The following MSL2 variants were observed in gnomAD, a reference collection of about 807,000 sequenced individuals.
MSL2 encodes MSL complex subunit 2.
A neutral mutation model predicts 35.8 loss-of-function variants in MSL2; 2 were observed. The observed-to-expected ratio is 0.06, with a 90% CI of 0.02 to 0.18. The LOEUF (loss-of-function observed/expected upper bound fraction) is 0.18, where lower values mean the gene tolerates loss of function less well. Among genes scored for constraint, MSL2 ranks in the 10% least tolerant of loss-of-function variants. The pLI is 1.00. For synonymous variants in MSL2, 296 were observed against 255.7 expected, an observed-to-expected ratio of 1.16 and a Z score of -1.50; for missense variants, 523 against 706.7, an observed-to-expected ratio of 0.74 and a Z score of 2.95.
chr3:136,166,608 T>C (rs913286318), intron 1 of MSL2, among the ~76,000 whole-genome samples: 2 of 152,170 alleles, frequency 1.3e-5, no homozygotes, highest in Non-Finnish European at 2.9e-5. Flanking sequence ...TCCTCATGCA[T>C]ATCCCTGACA....
intron 1 of MSL2, among the ~76,000 whole-genome samples, chr3:136,154,823 A>G (rs185181449): frequency 7.0e-4 from 106 of 150,960 alleles, no homozygotes; most frequent in Non-Finnish European, 1.3e-3. Flanking sequence ...TCTGAGAGGC[A>G]GAGGTGGACA....
chr3:136,162,126 C>CG lies in MSL2; in HGVS notation c.143-9389dup, dbSNP rs556655469. Among the ~76,000 whole-genome samples the CG allele has an allele frequency of 1.5e-3, 226 of 151,734 alleles. 3 individuals carry two copies. The highest frequency in any genetic ancestry group is 4.6e-3 in the African/African-American group (190 of 41,408). On this transcript the variant is annotated intron_variant, in intron 1 of 1. Transcript: ENST00000309993. ...GTTAATTTTTTATTTTTAGTAGAGA[C>CG]GGGGTCTCACCATGTTGGTCAGGCT...
chr3:136,186,240 A>G (rs1940519049), intron 1 of MSL2, among the ~76,000 whole-genome samples: 1 of 152,282 alleles, frequency 6.6e-6, no homozygotes, highest in Non-Finnish European at 1.5e-5. Context: ...GTTCTTCAAC[A>G]CCATTGTATA....
chr3:136,193,678 GCTGAAAGGAAA>G (rs1333942912), intron 1 of MSL2, among the ~76,000 whole-genome samples: 1 of 151,772 alleles, frequency 6.6e-6, no homozygotes, highest in Non-Finnish European at 1.5e-5. Context: ...TAAAACTTAA[GCTGAAAGGAAA>G]CTGAATCTAG....
chr3:136,195,851 G>A lies in MSL2; in HGVS notation c.-738C>T, dbSNP rs1225518968. 2.0e-6 allele frequency: 2 copies of A among 982,318 alleles called. No homozygotes were observed. Among genetic ancestry groups the A allele is most frequent in the African/African-American group, 1.8e-5 (1 of 56,952 alleles). 60.9% of individuals were successfully genotyped at this position (982,318 alleles called of 1,614,324 possible). On this transcript the variant is annotated 5_prime_UTR_variant, in exon 1 of 2. Coordinates refer to ENST00000309993, the MANE Select transcript of MSL2 (RefSeq NM_018133.4). ...GGAAGGCCGGGGAGGAAGTGCGCGG[G>A]CCGCCGCCGGCGGGCGGGAGGGGGC... is the stretch of plus-strand genomic sequence containing the variant.
intron 1 of MSL2, among the ~76,000 whole-genome samples, chr3:136,177,021 A>T (rs6787461): frequency 6.6e-6 from 1 of 152,216 alleles, no homozygotes; most frequent in Non-Finnish European, 1.5e-5. Context: ...GAGGCTTCCT[A>T]GCCCAAGTCT....
chr3:136,175,343 C>CAAA (rs34663683), intron 1 of MSL2, among the ~76,000 whole-genome samples: 1 of 120,242 alleles, frequency 8.3e-6, no homozygotes, highest in Non-Finnish European at 1.8e-5. Flanking sequence ...GACTCCGTCT[C>CAAA]AAAAAAAAAA....
chr3:136,193,785 T>C (rs534042759), intron 1 of MSL2, among the ~76,000 whole-genome samples: 7 of 152,262 alleles, frequency 4.6e-5, no homozygotes, highest in African/African-American at 1.7e-4. Context: ...TCTAAGGTGT[T>C]AAGTGTCTGT....
At chr3:136,191,861 G>A (rs1454945850) in intron 1 of MSL2, among the ~76,000 whole-genome samples, 4 of 152,152 alleles carry the variant, frequency 2.6e-5, no homozygotes, top group Admixed American at 6.6e-5. Flanking sequence ...AAGGCAATTG[G>A]CAAAAAGTTA....
chr3:136,185,001 G>A (rs1300984951), intron 1 of MSL2, among the ~76,000 whole-genome samples: 3 of 151,974 alleles, frequency 2.0e-5, no homozygotes, highest in Admixed American at 1.3e-4. Flanking sequence ...TTGAGACTGA[G>A]TCTTGCTCTG....
In MSL2 at chr3:136,149,612, CCAACAACAA is replaced by C. The variant is rs112522244; in HGVS notation, c.*1526_*1534del. The stretch of plus-strand genomic sequence containing the variant: ...CAAAAAAAAAAAAAGAAAAAAAAGC[CCAACAACAA>C]CAACAAAAACAACTCTACCTGACCA... On this transcript the variant is annotated 3_prime_UTR_variant, in exon 2 of 2. Coordinates refer to ENST00000309993, the MANE Select transcript of MSL2 (RefSeq NM_018133.4). 7.3e-6 allele frequency: 1 copy of C among 136,408 alleles called. No homozygotes were observed. Among genetic ancestry groups the C allele is most frequent in the Non-Finnish European group, 1.6e-5 (1 of 64,402 alleles). 8.4% of individuals were successfully genotyped at this position (136,408 alleles called of 1,614,324 possible). A position where few individuals can be genotyped will look rare whatever the true frequency, so the allele number is the denominator to read the frequency against.
intron 1 of MSL2, among the ~76,000 whole-genome samples, chr3:136,155,316 C>G (rs187227831): frequency 6.6e-6 from 1 of 151,894 alleles, no homozygotes; most frequent in Non-Finnish European, 1.5e-5. Context: ...ACCAGCCTGA[C>G]CAACATGGTG....
At position 136,151,764 on chromosome 3, in the gene MSL2, T is replaced by C. The variant is rs569470420; in HGVS notation, c.1117A>G (p.Thr373Ala). ...GAAATTTTGCTCTCCCGTTTCACTG[T>C]CACAGGAGCAGATGCCCCCAGTGTT... ...GPTLGASAPV[T>A]VKRESKISLQ... is the part of the protein sequence containing the mutation. Residue 373 changes from threonine to alanine, a missense_variant, in exon 2 of 2, where the codon ACA becomes GCA. Thr to Ala is a moderately conservative substitution (Grantham distance 58). Around this residue, in one of 5 missense-constraint regions of MSL2, gnomAD observed 361 missense variants for 414.6 expected, o/e 0.87. Transcript: ENST00000309993. This position sits in a 1 kb window ranked among gnomAD's most constrained non-coding sequence, Gnocchi z 5.2. 11 of 1,614,204 alleles carry C rather than the reference T, an allele frequency of 6.8e-6. No homozygotes were observed. The African/African-American group carries it at 9.3e-5, about 14-fold the overall frequency.
chr3:136,189,759 A>T (rs1453683909), intron 1 of MSL2, among the ~76,000 whole-genome samples: 1 of 151,304 alleles, frequency 6.6e-6, no homozygotes, highest in Non-Finnish European at 1.5e-5. Context: ...CCAGATCAGA[A>T]AACAGGTAAA....
Position 136,151,796 on chromosome 3 carries a change from C to T in MSL2, c.1085G>A (p.Arg362Gln), listed in dbSNP as rs1394652093. 1.2e-6 allele frequency: 2 copies of T among 1,614,120 alleles called. No individual in the cohort carries two copies. The highest frequency in any genetic ancestry group is 1.7e-6 in the Non-Finnish European group (2 of 1,180,012). The change falls in exon 2 of 2, where the codon CGA becomes CAA. Residue 362 changes from arginine (R) to glutamine (Q), a missense_variant. Transcript: ENST00000309993. The surrounding 1 kb of genome is among the most constrained non-coding windows in gnomAD (Gnocchi z 5.2). Reference sequence around the variant, plus strand: ...AGCAGATGCCCCCAGTGTTGGGCCTCGGATAATGGTAGAAATTGGAAGTGG... The same window carrying T: ...AGCAGATGCCCCCAGTGTTGGGCCTTGGATAATGGTAGAAATTGGAAGTGG... ...VQPLPISTII[R>Q]GPTLGASAPV... is the part of the protein sequence containing the mutation.
In MSL2 at chr3:136,180,804, G is replaced by GGAAGGAA. The variant is rs1559969290; in HGVS notation, c.142+14167_142+14168insTTCCTTC. Among the ~76,000 whole-genome samples, 51 of 51,420 alleles carry GGAAGGAA rather than the reference G, an allele frequency of 9.9e-4. 2 individuals are homozygous for GGAAGGAA. Among genetic ancestry groups the GGAAGGAA allele is most frequent in the African/African-American group, 2.8e-3 (31 of 10,900 alleles). 33.7% of individuals were successfully genotyped at this position (51,420 alleles called of 152,430 possible). A position where few individuals can be genotyped will look rare whatever the true frequency, so the allele number is the denominator to read the frequency against. ...AGGGAGGGAGGGAGGGAGGGAGGGAGGGAGGGAAGGAGGGAAGGAAGGAAG... is the reference window on the plus strand; with the variant it reads ...AGGGAGGGAGGGAGGGAGGGAGGGAGGAAGGAAGGAGGGAAGGAGGGAAGGAAGGAAG... On this transcript the variant is annotated intron_variant, in intron 1 of 1. Coordinates refer to ENST00000309993, the MANE Select transcript of MSL2 (RefSeq NM_018133.4).
At chr3:136,175,294 A>G (rs1198683606) in intron 1 of MSL2, among the ~76,000 whole-genome samples, 1 of 151,460 alleles carries the variant, frequency 6.6e-6, no homozygotes, top group African/African-American at 2.4e-5. Context: ...CAGTGAGCCG[A>G]GATCGCGCCA....
At chr3:136,170,300 C>T (rs1486912458) in intron 1 of MSL2, among the ~76,000 whole-genome samples, 1 of 148,646 alleles carries the variant, frequency 6.7e-6, no homozygotes, top group Non-Finnish European at 1.5e-5. Flanking sequence ...CTACAGTGAG[C>T]CGACATCACA....
chr3:136,181,177 A>C (rs974542436), intron 1 of MSL2, among the ~76,000 whole-genome samples: 2 of 151,744 alleles, frequency 1.3e-5, no homozygotes, highest in Admixed American at 1.3e-4. Flanking sequence ...AGTAACAAAA[A>C]TCGTGAACCA....
Sources: gnomAD v4.1 joint callset for allele counts (sites outside exome capture counted in the v4.1 genomes callset) on GRCh38, gnomAD v4.1.1 for gene constraint, gnomAD v4.1.1 regional missense constraint, Gnocchi (gnomAD v3.1) non-coding constraint, MANE v1.5 for transcripts, NCBI Gene and HGNC (gene_info 2026-07-23, HGNC 2026-07-21) for gene names.